PCDHGB6: variants seen among roughly 807,000 people sequenced by gnomAD.
PCDHGB6 encodes protocadherin gamma-B6.
Under a neutral mutation model 59.1 loss-of-function variants are expected in PCDHGB6, and 51 were observed. The observed-to-expected ratio is 0.86, with a 90% confidence interval of 0.69 to 1.09. PCDHGB6 has a LOEUF of 1.09. Ranked by LOEUF, PCDHGB6 falls within the 50% of genes least tolerant of loss-of-function variation. The pLI is 0.00. For missense variants in PCDHGB6, 1,148 were observed against 1,205.1 expected (o/e 0.95, Z 0.70); for synonymous variants, 466 against 495.1 (o/e 0.94, Z 0.78).
chr5:141,408,358 G>C lies in PCDHGB6; in HGVS notation c.156G>C (p.Lys52Asn). 6.2e-7 allele frequency: 1 copy of C among 1,613,952 alleles called. No homozygotes were observed. Among genetic ancestry groups the C allele is most frequent in the South Asian group, 1.1e-5 (1 of 91,072 alleles). Residue 52 changes from lysine to asparagine, a missense_variant, in exon 1 of 4, where the codon AAG (lysine) becomes AAC (asparagine). Around this residue, in one of 5 missense-constraint regions of PCDHGB6, gnomAD observed 307 missense variants for 323.8 expected, o/e 0.95. Transcript: ENST00000520790. ...AKGSVVGNLA[K>N]DLGLSVLDVS... ...GCTCGGTGGTGGGGAACCTCGCTAAGGATCTAGGGCTCAGTGTCCTGGATG... is the reference window on the plus strand; with the variant it reads ...GCTCGGTGGTGGGGAACCTCGCTAACGATCTAGGGCTCAGTGTCCTGGATG...
chr5:141,431,498 T>C lies in PCDHGB6; in HGVS notation c.2418+20878T>C, dbSNP rs1274311782. On this transcript the variant is annotated intron_variant, in intron 1 of 3. Coordinates refer to ENST00000520790, the MANE Select transcript of PCDHGB6 (RefSeq NM_018926.3). The surrounding 1 kb of genome is among the most constrained non-coding windows in gnomAD (Gnocchi z 4.8). ...CGCACCAGCGTTTGCTCAGCCCGAG[T>C]ACCGCGCGAGCGTTCCGGAGAATCT... The C allele has an allele frequency of 6.2e-7, 1 of 1,613,992 alleles. No homozygotes were observed. Among genetic ancestry groups the C allele is most frequent in the Non-Finnish European group, 8.5e-7 (1 of 1,180,034 alleles).
At chr5:141,413,034 G>C in intron 1 of PCDHGB6, 1 of 783,270 alleles carries the variant, frequency 1.3e-6, no homozygotes, top group East Asian at 2.8e-5. Context: ...CAAACCGGCT[G>C]CTGGGCTGCA....
chr5:141,472,188 G>C (rs779077950), intron 1 of PCDHGB6, among the ~76,000 whole-genome samples: 4 of 152,168 alleles, frequency 2.6e-5, no homozygotes, highest in Middle Eastern at 3.2e-3. Context: ...ATTGGAATTT[G>C]AATCTTTTTG....
Position 141,409,921 on chromosome 5 carries a change from G to T in PCDHGB6, c.1719G>T (p.Ala573=), listed in dbSNP as rs767370997. 1 of 1,613,404 alleles carries T rather than the reference G, an allele frequency of 6.2e-7. No homozygotes were observed. The highest frequency in any genetic ancestry group is 1.7e-5 in the Admixed American group (1 of 60,016). Residue 573 remains alanine (A), a synonymous_variant, in exon 1 of 4, where the codon GCG becomes GCT. Transcript: ENST00000520790. ...CAGCTCTGGGTCCTGACGGCTCCGC[G>T]TTCTTCGATATGGTACCTCGCTCTG... ...LYPALGPDGS[A]FFDMVPRSAE... is the part of the protein sequence containing the mutation.
intron 1 of PCDHGB6, chr5:141,478,597 C>T: frequency 6.4e-7 from 1 of 1,567,010 alleles, no homozygotes; most frequent in Non-Finnish European, 8.7e-7. Flanking sequence ...TTTATTCCTA[C>T]ATCATATTGA....
intron 1 of PCDHGB6, chr5:141,421,248 C>G: frequency 1.2e-6 from 2 of 1,604,936 alleles, no homozygotes; most frequent in Middle Eastern, 1.7e-4. Flanking sequence ...GGCTACAGCG[C>G]GGGGACCGCA....
chr5:141,434,480 C>T (rs777049751), intron 1 of PCDHGB6, among the ~76,000 whole-genome samples: 6 of 152,194 alleles, frequency 3.9e-5, no homozygotes, highest in Non-Finnish European at 5.9e-5. Context: ...GGGCAAGGAA[C>T]ACCTGGCCCG....
In PCDHGB6 at chr5:141,433,177, A is replaced by T; in HGVS notation, c.2418+22557A>T. 1.9e-6 allele frequency: 3 copies of T among 1,608,174 alleles called. No homozygotes were observed. The Middle Eastern group carries it at 5.0e-4, about 267-fold the overall frequency. Reference sequence around the variant, plus strand: ...TATTTTCTAAAGACAGTCATGGGTTAATTGAGGTGAGTTTATATCAAATCT... The same window carrying T: ...TATTTTCTAAAGACAGTCATGGGTTTATTGAGGTGAGTTTATATCAAATCT... On this transcript the variant is annotated intron_variant, in intron 1 of 3. Coordinates refer to ENST00000520790, the MANE Select transcript of PCDHGB6 (RefSeq NM_018926.3).
Position 141,477,176 on chromosome 5 carries a change from G to A in PCDHGB6, c.2419-17631G>A. ...GAATGACAACGCCCCGGAGATCACA[G>A]TCACCTCCGTGTACAGCCCAGTACC... On this transcript the variant is annotated intron_variant, in intron 1 of 3. Transcript: ENST00000520790. The surrounding 1 kb of genome is among the most constrained non-coding windows in gnomAD (Gnocchi z 4.9). 2 of 1,614,206 alleles carry A rather than the reference G, an allele frequency of 1.2e-6. No individual in the cohort carries two copies. Among genetic ancestry groups the A allele is most frequent in the Admixed American group, 1.7e-5 (1 of 60,024 alleles).
At chr5:141,502,512 T>C (rs1029375922) in intron 2 of PCDHGB6, among the ~76,000 whole-genome samples, 2 of 152,212 alleles carry the variant, frequency 1.3e-5, no homozygotes, top group East Asian at 1.9e-4. Context: ...CCTGTCCCAC[T>C]ATCAGTGATG....
chr5:141,509,224 T>G (rs1241668369), intron 3 of PCDHGB6, among the ~76,000 whole-genome samples: 3 of 152,176 alleles, frequency 2.0e-5, no homozygotes, highest in Non-Finnish European at 2.9e-5. Flanking sequence ...AATCCCTGGT[T>G]GATGTCCCAG....
chr5:141,486,100 C>G lies in PCDHGB6; in HGVS notation c.2419-8707C>G. Reference sequence around the variant, plus strand: ...AGCTTACTCTTTTGGGGCCCCTAGACTTTGAGAGTGAGAATTACTATGAAT... The same window carrying G: ...AGCTTACTCTTTTGGGGCCCCTAGAGTTTGAGAGTGAGAATTACTATGAAT... On this transcript the variant is annotated intron_variant, in intron 1 of 3. Transcript: ENST00000520790. This position sits in a 1 kb window ranked among gnomAD's most constrained non-coding sequence, Gnocchi z 5.0. 1 of 1,614,190 alleles carries G rather than the reference C, an allele frequency of 6.2e-7. No individual in the cohort carries two copies. The highest frequency in any genetic ancestry group is 1.1e-5 in the South Asian group (1 of 91,086).
At chr5:141,423,460 G>A in intron 1 of PCDHGB6, 1 of 1,614,046 alleles carries the variant, frequency 6.2e-7, no homozygotes, top group Non-Finnish European at 8.5e-7. Context: ...TGTAGGCGTG[G>A]ACGGGGTACA....
chr5:141,485,278 C>T lies in PCDHGB6; in HGVS notation c.2419-9529C>T. On this transcript the variant is annotated intron_variant, in intron 1 of 3. Transcript: ENST00000520790. The surrounding 1 kb of genome is among the most constrained non-coding windows in gnomAD (Gnocchi z 5.7). ...TTTGTGGGCAGATCCGCTACCCGGTCCCAGAGGAGTCACAGGAAGGGACTT... is the reference window on the plus strand; with the variant it reads ...TTTGTGGGCAGATCCGCTACCCGGTTCCAGAGGAGTCACAGGAAGGGACTT... 1 of 1,614,064 alleles carries T rather than the reference C, an allele frequency of 6.2e-7. No homozygotes were observed. The highest frequency in any genetic ancestry group is 1.1e-5 in the South Asian group (1 of 91,080).
rs1328690143 is a variant in PCDHGB6 at position 141,409,709 on chromosome 5, T to G, written c.1507T>G (p.Ser503Ala). The change falls in exon 1 of 4, where the codon TCA becomes GCA. Residue 503 changes from serine to alanine, a missense_variant. This residue lies in a region of PCDHGB6 where 549 missense variants were observed against 527.5 expected (regional missense o/e 1.04). Coordinates refer to ENST00000520790, the MANE Select transcript of PCDHGB6 (RefSeq NM_018926.3). Reference sequence around the variant, plus strand: ...TGACCTAGAGCCCCTGGCGGTGTCGTCATACGTGTCAGTGAGCGCGCAGAG... The same window carrying G: ...TGACCTAGAGCCCCTGGCGGTGTCGGCATACGTGTCAGTGAGCGCGCAGAG... Reference protein sequence around the residue: ...ASDLEPLAVSSYVSVSAQSGV... With the variant: ...ASDLEPLAVSAYVSVSAQSGV... The G allele has an allele frequency of 1.2e-6, 2 of 1,613,198 alleles. No homozygotes were observed. Among genetic ancestry groups the G allele is most frequent in the Non-Finnish European group, 8.5e-7 (1 of 1,179,866 alleles).
chr5:141,486,884 C>G lies in PCDHGB6; in HGVS notation c.2419-7923C>G, dbSNP rs1272694679. On this transcript the variant is annotated intron_variant, in intron 1 of 3. Transcript: ENST00000520790. The surrounding 1 kb of genome is among the most constrained non-coding windows in gnomAD (Gnocchi z 5.0). ...TCCAGCTGTGCTCCGTCCTCGGGCC[C>G]GGCCTGGTTCCTTATGTCCCCAAGC... The G allele has an allele frequency of 6.2e-7, 1 of 1,614,224 alleles. No homozygotes were observed. The highest frequency in any genetic ancestry group is 8.5e-7 in the Non-Finnish European group (1 of 1,180,046).
At chr5:141,428,058 G>A (rs752468507) in intron 1 of PCDHGB6, 4 of 1,609,140 alleles carry the variant, frequency 2.5e-6, no homozygotes, top group South Asian at 1.1e-5. Flanking sequence ...GGTGGTGGCG[G>A]TGGACGCAGA....
Position 141,486,000 on chromosome 5 carries a change from A to G in PCDHGB6, c.2419-8807A>G. 1 of 1,614,194 alleles carries G rather than the reference A, an allele frequency of 6.2e-7. No individual in the cohort carries two copies. Among genetic ancestry groups the G allele is most frequent in the Non-Finnish European group, 8.5e-7 (1 of 1,180,034 alleles). On this transcript the variant is annotated intron_variant, in intron 1 of 3. Transcript: ENST00000520790. The surrounding 1 kb of genome is among the most constrained non-coding windows in gnomAD (Gnocchi z 5.7). ...GACCCGGACCTGGGTCCCAGTGGTA[A>G]CGTCACCTTTTATTTCAGTGGTCAT...
At chr5:141,448,924 G>A (rs1244728418) in intron 1 of PCDHGB6, among the ~76,000 whole-genome samples, 1 of 152,116 alleles carries the variant, frequency 6.6e-6, no homozygotes, top group East Asian at 1.9e-4. Flanking sequence ...CAGCCTGGGC[G>A]ACAGAGCAAG....
Sources: allele counts gnomAD v4.1 joint callset (sites outside exome capture counted in the v4.1 genomes callset), GRCh38; gene constraint gnomAD v4.1.1; regional missense constraint gnomAD v4.1.1; non-coding constraint Gnocchi (gnomAD v3.1); transcripts MANE v1.5; gene names NCBI Gene and HGNC (gene_info 2026-07-23, HGNC 2026-07-21).